Variants in C4orf50 observed in about 807,000 individuals in gnomAD.
The protein encoded by C4orf50 is uncharacterized protein C4orf50.
Under a neutral mutation model 77.2 loss-of-function variants are expected in C4orf50, and 80 were observed. The observed-to-expected ratio is 1.04, with a 90% CI of 0.87 to 1.25. The LOEUF is 1.25. Among genes scored for constraint, C4orf50 ranks in the 50% most tolerant of loss-of-function variants. The pLI is 0.00. For synonymous variants in C4orf50, 532 were observed against 465.3 expected (o/e 1.14, Z -1.84); for missense variants, 1,257 against 1,152.9 (o/e 1.09, Z -1.31).
At chr4:5,975,139 CAAAAAAAAAAAAAAAAAAAAAAA>C (rs763836859) in intron 30 of C4orf50, among the ~76,000 whole-genome samples, 15,354 of 82,634 alleles carry the variant, frequency 0.19, 1,347 homozygotes, top group African/African-American at 0.24. Flanking sequence ...CACTCCATCT[CAAAAAAAAAAAAAAAAAAAAAAA>C]AAAAAAAAAA....
chr4:5,922,300 C>T (rs1284228250), intron 7 of C4orf50, among the ~76,000 whole-genome samples: 1 of 152,172 alleles, frequency 6.6e-6, no homozygotes, highest in African/African-American at 2.4e-5. Context: ...GTGTGTCTTT[C>T]AAAACAACTG....
chr4:5,916,255 T>G lies in C4orf50; in HGVS notation c.*2475-18067A>C, dbSNP rs1408200205. Among the ~76,000 whole-genome samples the G allele has an allele frequency of 6.6e-6, 1 of 152,188 alleles. No individual in the cohort carries two copies. Among genetic ancestry groups the G allele is most frequent in the Non-Finnish European group, 1.5e-5 (1 of 68,030 alleles). ...GCTCCTGGTTACTCTGGGGGGCCCA[T>G]GCACAGAGAATCATAGTTTCAGAAT... On this transcript the variant is annotated intron_variant, in intron 7 of 7. Coordinates refer to the C4orf50 transcript ENST00000324058. This position sits in a 1 kb window ranked among gnomAD's most constrained non-coding sequence, Gnocchi z 4.4.
At chr4:5,947,788 C>T (rs1012435441) in intron 7 of C4orf50, among the ~76,000 whole-genome samples, 6 of 152,184 alleles carry the variant, frequency 3.9e-5, no homozygotes, top group Admixed American at 2.0e-4. Flanking sequence ...CCGGCTGGAT[C>T]GTCCCCCTGG....
chr4:5,921,634 C>T (rs1442568387), intron 7 of C4orf50, among the ~76,000 whole-genome samples: 3 of 151,904 alleles, frequency 2.0e-5, no homozygotes, highest in East Asian at 1.9e-4. Flanking sequence ...GAGGAGCCAC[C>T]GGGTGGGTAA....
rs546177211 is a variant in C4orf50 at position 5,932,086 on chromosome 4, G to A, written c.*2474+24815C>T. 2.5e-4 allele frequency among the ~76,000 whole-genome samples: 31 copies of A among 123,420 alleles called. No homozygotes were observed. The highest frequency in any genetic ancestry group is 5.8e-4 in the Admixed American group (5 of 8,674). The allele number at this position is 123,420 out of a possible 152,430, so 81.0% of individuals were successfully genotyped here. ...CCCCTGCCAACTGTCTCTAATTTCC[G>A]TGCAATGTTTGGCCTCTTGCCCCCC... On this transcript the variant is annotated intron_variant, in intron 7 of 7. Coordinates refer to the C4orf50 transcript ENST00000324058. This position sits in a 1 kb window ranked among gnomAD's most constrained non-coding sequence, Gnocchi z 4.2.
At chr4:5,945,687 T>C (rs1718450288) in intron 7 of C4orf50, among the ~76,000 whole-genome samples, 1 of 152,134 alleles carries the variant, frequency 6.6e-6, no homozygotes, top group African/African-American at 2.4e-5. Flanking sequence ...CTCCTAACCA[T>C]CAACCTCCTT....
intron 7 of C4orf50, among the ~76,000 whole-genome samples, chr4:5,933,465 C>T (rs59258065): frequency 0.033 from 5,069 of 152,310 alleles, 299 homozygotes; most frequent in African/African-American, 0.11. Context: ...TGCTGTGGGG[C>T]TGACCCCTGA....
At position 5,992,689 on chromosome 4, in the gene C4orf50, C is replaced by A; in HGVS notation, c.1221+114G>T. 2.5e-6 allele frequency: 1 copy of A among 392,586 alleles called. No homozygotes were observed. The highest frequency in any genetic ancestry group is 4.5e-6 in the Non-Finnish European group (1 of 222,508). The allele number at this position is 392,586 out of a possible 1,614,324, so 24.3% of individuals were successfully genotyped here. ...ACTACTTCCAGAATGTTCTCCCAGA[C>A]CTGGAGCTTCTTTACCCCTCCCACA... On this transcript the variant is annotated intron_variant, in intron 27 of 33. Transcript: ENST00000531445. The surrounding 1 kb of genome is among the most constrained non-coding windows in gnomAD (Gnocchi z 5.0).
At chr4:5,962,555 A>G (rs554426419) in intron 33 of C4orf50, among the ~76,000 whole-genome samples, 1 of 152,316 alleles carries the variant, frequency 6.6e-6, no homozygotes, top group South Asian at 2.1e-4. Context: ...GGGAGGGAAG[A>G]GGGACTGCTC....
intron 7 of C4orf50, among the ~76,000 whole-genome samples, chr4:5,941,441 C>T (rs919176998): frequency 6.6e-6 from 1 of 152,196 alleles, no homozygotes; most frequent in Non-Finnish European, 1.5e-5. Flanking sequence ...TCTTATTCTA[C>T]CATCTCATCC....
intron 7 of C4orf50, among the ~76,000 whole-genome samples, chr4:5,914,309 A>G (rs1215657737): frequency 7.1e-6 from 1 of 140,448 alleles, no homozygotes; most frequent in Non-Finnish European, 1.5e-5. Flanking sequence ...GGTTCATGCC[A>G]TTCTCCCGCC....
chr4:5,984,062 T>G (rs912032883), intron 28 of C4orf50, among the ~76,000 whole-genome samples: 7 of 152,230 alleles, frequency 4.6e-5, no homozygotes, highest in Non-Finnish European at 8.8e-5. Context: ...GGAACTCAGC[T>G]GATATCACTG....
At chr4:5,973,814 A>C (rs936414137) in exon 31 of C4orf50, 17 of 1,612,592 alleles carry the variant, frequency 1.1e-5, no homozygotes, top group Middle Eastern at 1.6e-4. Flanking sequence ...CTCTCCCGGC[A>C]CTTCCGGACG....
intron 7 of C4orf50, chr4:5,902,697 T>C (rs1386083992): frequency 6.6e-6 from 1 of 152,226 alleles, no homozygotes; most frequent in Admixed American, 6.5e-5. Flanking sequence ...TTGCCTGACA[T>C]GGCCTGTGCT....
chr4:5,920,391 G>A (rs1289719864), intron 7 of C4orf50, among the ~76,000 whole-genome samples: 5 of 152,102 alleles, frequency 3.3e-5, no homozygotes, highest in East Asian at 1.9e-4. Context: ...CCTATAACAG[G>A]GTCTGGAACA....
chr4:5,980,204 G>A, exon 29 of C4orf50: 2 of 1,603,640 alleles, frequency 1.2e-6, no homozygotes, highest in Non-Finnish European at 1.7e-6. Flanking sequence ...GGAGGCGGGT[G>A]GCCTCGTCCA....
chr4:5,937,803 G>A (rs1335223679), intron 7 of C4orf50, among the ~76,000 whole-genome samples: 1 of 152,030 alleles, frequency 6.6e-6, no homozygotes, highest in Non-Finnish European at 1.5e-5. Flanking sequence ...AAACAAAATA[G>A]ACTCAAAATC....
chr4:6,008,423 C>A lies in C4orf50; in HGVS notation c.536G>T (p.Arg179Leu). ...CTGGCGCCGCTGGGTCCGCCGGCAG[C>A]GCTCCAGGGCCGCCGCCTGCTGCCC... Residue 179 changes from arginine to leucine, a missense_variant, in exon 25 of 34, where the codon CGC becomes CTC. Transcript: ENST00000531445. This position sits in a 1 kb window ranked among gnomAD's most constrained non-coding sequence, Gnocchi z 6.0. The A allele has an allele frequency of 2.5e-6, 1 of 395,822 alleles. No homozygotes were observed. The highest frequency in any genetic ancestry group is 3.6e-5 in the East Asian group (1 of 27,848). 24.5% of individuals were successfully genotyped at this position (395,822 alleles called of 1,614,324 possible).
At chr4:5,926,272 G>A (rs1351800312) in intron 7 of C4orf50, among the ~76,000 whole-genome samples, 1 of 152,198 alleles carries the variant, frequency 6.6e-6, no homozygotes, top group East Asian at 1.9e-4. Context: ...GGAATGACGT[G>A]CTATCACCTG....
Sources: gnomAD v4.1 joint callset for allele counts (sites outside exome capture counted in the v4.1 genomes callset) on GRCh38, gnomAD v4.1.1 for gene constraint, Gnocchi (gnomAD v3.1) non-coding constraint, MANE v1.5 for transcripts, NCBI Gene and HGNC (gene_info 2026-07-23, HGNC 2026-07-21) for gene names.